NLGN1: variants seen among roughly 807,000 people sequenced by gnomAD.
The protein encoded by NLGN1 is neuroligin 1.
Under a neutral mutation model 65.5 loss-of-function variants are expected in NLGN1, and 12 were observed. That is an observed-to-expected ratio of 0.18 (90% CI 0.12 to 0.30). The LOEUF is 0.30. NLGN1 is among the 10% of genes least tolerant of loss of function. The pLI, the probability that NLGN1 is intolerant of heterozygous loss-of-function variation, is 1.00. For missense variants in NLGN1, 750 were observed against 1,007.1 expected (o/e 0.74, Z 3.46); for synonymous variants, 350 against 359.5 (o/e 0.97, Z 0.30).
At chr3:173,747,275 G>A (rs11929457) in intron 3 of NLGN1, among the ~76,000 whole-genome samples, 3 of 129,954 alleles carry the variant, frequency 2.3e-5, no homozygotes, top group Non-Finnish European at 4.7e-5. Flanking sequence ...ATATCTTTAA[G>A]TATATATATT....
chr3:173,569,142 A>T (rs974740245), intron 2 of NLGN1, among the ~76,000 whole-genome samples: 5 of 152,184 alleles, frequency 3.3e-5, no homozygotes, highest in African/African-American at 1.2e-4. Context: ...TATCAGTTCT[A>T]GGAGAACATT....
At chr3:173,701,617 A>T (rs932728504) in intron 3 of NLGN1, among the ~76,000 whole-genome samples, 1 of 152,226 alleles carries the variant, frequency 6.6e-6, no homozygotes, top group Non-Finnish European at 1.5e-5. Flanking sequence ...GTGATTTGTT[A>T]ACAGGAAACT....
chr3:173,438,614 T>C (rs566247960), intron 2 of NLGN1, among the ~76,000 whole-genome samples: 6 of 152,164 alleles, frequency 3.9e-5, no homozygotes, highest in Non-Finnish European at 8.8e-5. Flanking sequence ...TTTTCACTTT[T>C]ATTTTCAAAG....
intron 2 of NLGN1, among the ~76,000 whole-genome samples, chr3:173,461,499 T>C (rs1723384798): frequency 6.6e-6 from 1 of 152,104 alleles, no homozygotes; most frequent in Non-Finnish European, 1.5e-5. Flanking sequence ...GACTATTAAC[T>C]TACTCAACCT....
intron 2 of NLGN1, among the ~76,000 whole-genome samples, chr3:173,601,752 G>A (rs140483255): frequency 5.7e-4 from 87 of 151,946 alleles, no homozygotes; most frequent in African/African-American, 1.5e-3. Flanking sequence ...GTGTAATGAC[G>A]TAAGAGAAAC....
At chr3:173,614,488 T>C (rs4894618) in intron 3 of NLGN1, among the ~76,000 whole-genome samples, 4,229 of 152,216 alleles carry the variant, frequency 0.028, 85 homozygotes, top group Middle Eastern at 0.044. Flanking sequence ...ACCATCTTCC[T>C]CAGCTCACCA....
chr3:173,840,353 GATATAA>G (rs1724548883), intron 4 of NLGN1, among the ~76,000 whole-genome samples: 1 of 152,168 alleles, frequency 6.6e-6, no homozygotes, highest in Non-Finnish European at 1.5e-5. Flanking sequence ...TGTAGCTAGT[GATATAA>G]ATATAAAGAT....
chr3:174,239,699 A>C (rs137895183), intron 4 of NLGN1, among the ~76,000 whole-genome samples: 1 of 152,258 alleles, frequency 6.6e-6, no homozygotes, highest in East Asian at 1.9e-4. Context: ...GTAAATGCTA[A>C]AAACTGAGTC....
At chr3:173,747,795 C>CTTCTTTTTTTTTTTTTTTTTTTTTTTT (rs1560289220) in intron 3 of NLGN1, among the ~76,000 whole-genome samples, 5 of 78,606 alleles carry the variant, frequency 6.4e-5, no homozygotes, top group African/African-American at 3.1e-4. Context: ...TCTTCTTCTT[C>CTTCTTTTTTTTTTTTTTTTTTTTTTTT]TTGTTCTTTT....
At chr3:173,605,861 G>A (rs928009694) in intron 3 of NLGN1, among the ~76,000 whole-genome samples, 2 of 152,028 alleles carry the variant, frequency 1.3e-5, no homozygotes, top group Non-Finnish European at 2.9e-5. Context: ...TGTGTTTAGT[G>A]GAATATGTAC....
intron 4 of NLGN1, among the ~76,000 whole-genome samples, chr3:173,896,684 T>C (rs1328611465): frequency 6.6e-6 from 1 of 152,196 alleles, no homozygotes; most frequent in Non-Finnish European, 1.5e-5. Flanking sequence ...TCCCAGTCTC[T>C]GGTCACAGTT....
chr3:174,256,057 A>G (rs1274653519), intron 4 of NLGN1, among the ~76,000 whole-genome samples: 2 of 152,230 alleles, frequency 1.3e-5, no homozygotes, highest in Non-Finnish European at 2.9e-5. Flanking sequence ...GAGTATCGTG[A>G]TAAGTCAAAG....
chr3:173,673,796 T>C (rs1762771962), intron 3 of NLGN1, among the ~76,000 whole-genome samples: 1 of 152,046 alleles, frequency 6.6e-6, no homozygotes, highest in South Asian at 2.1e-4. Context: ...GAACAAAGAA[T>C]TGGACAAAAC....
intron 2 of NLGN1, among the ~76,000 whole-genome samples, chr3:173,464,548 G>C (rs1723984758): frequency 6.7e-6 from 1 of 150,106 alleles, no homozygotes; most frequent in South Asian, 2.1e-4. Context: ...CGATTCTCCT[G>C]CCTTGGCCTC....
intron 4 of NLGN1, among the ~76,000 whole-genome samples, chr3:174,006,452 T>C (rs1010434649): frequency 2.0e-5 from 3 of 152,226 alleles, no homozygotes; most frequent in East Asian, 3.9e-4. Context: ...ACCTGCTGTG[T>C]GCATTTGAAA....
chr3:173,831,752 T>A (rs999485749), intron 4 of NLGN1, among the ~76,000 whole-genome samples: 1 of 152,182 alleles, frequency 6.6e-6, no homozygotes, highest in Non-Finnish European at 1.5e-5. Context: ...TTTTTAAAAC[T>A]TTTTAAGTGA....
chr3:173,791,920 C>A (rs749863220), intron 3 of NLGN1, among the ~76,000 whole-genome samples: 1 of 152,062 alleles, frequency 6.6e-6, no homozygotes, highest in Non-Finnish European at 1.5e-5. Context: ...CTAGCTCTAG[C>A]GTCCTATGAA....
chr3:174,057,207 A>T (rs1328890237), intron 4 of NLGN1, among the ~76,000 whole-genome samples: 1 of 152,110 alleles, frequency 6.6e-6, no homozygotes, highest in Non-Finnish European at 1.5e-5. Context: ...TCATAACTTA[A>T]GTATTTTTTG....
chr3:174,047,519 A>C (rs1239986655), intron 4 of NLGN1, among the ~76,000 whole-genome samples: 1 of 152,036 alleles, frequency 6.6e-6, no homozygotes, highest in Admixed American at 6.6e-5. Context: ...AAGTTGAAAA[A>C]ATATTTTGAG....
Sources: gnomAD v4.1 joint callset for allele counts (sites outside exome capture counted in the v4.1 genomes callset) on GRCh38, gnomAD v4.1.1 for gene constraint, MANE v1.5 for transcripts, NCBI Gene and HGNC (gene_info 2026-07-23, HGNC 2026-07-21) for gene names.